The following SPATS2L variants were observed in gnomAD, a reference collection of about 807,000 sequenced individuals.
The protein encoded by SPATS2L is SPATS2-like protein.
SPATS2L carries 30 observed loss-of-function variants against 59.6 expected under a neutral mutation model. That is an observed-to-expected ratio of 0.50 (90% CI 0.38 to 0.68). The LOEUF is 0.68. Among genes scored for constraint, SPATS2L ranks in the 30% least tolerant of loss-of-function variants. The pLI is 0.00. For synonymous variants in SPATS2L, 252 were observed against 263.5 expected, an observed-to-expected ratio of 0.96 and a Z score of 0.42; for missense variants, 615 against 700.0, an observed-to-expected ratio of 0.88 and a Z score of 1.37.
intron 1 of SPATS2L, among the ~76,000 whole-genome samples, chr2:200,314,156 C>A (rs1256308230): frequency 1.3e-5 from 2 of 152,228 alleles, no homozygotes; most frequent in African/African-American, 4.8e-5. Context: ...ATGTCTTTAA[C>A]TCGACAAGTT....
intron 8 of SPATS2L, among the ~76,000 whole-genome samples, chr2:200,452,357 AAATTCC>A (rs1410497918): frequency 2.6e-5 from 4 of 152,354 alleles, no homozygotes; most frequent in Admixed American, 1.3e-4. Context: ...GTCATTTAAA[AAATTCC>A]AATAAGAAAA....
chr2:200,446,323 A>G (rs1426977027), intron 8 of SPATS2L, among the ~76,000 whole-genome samples: 1 of 152,212 alleles, frequency 6.6e-6, no homozygotes, highest in Non-Finnish European at 1.5e-5. Flanking sequence ...TGACAGAGTG[A>G]GACCCTGTCT....
chr2:200,437,428 C>CTGGGCCCACAGCTGAACTGGAATCT, intron 6 of SPATS2L, among the ~76,000 whole-genome samples: 1 of 152,156 alleles, frequency 6.6e-6, no homozygotes, highest in Non-Finnish European at 1.5e-5. Context: ...GAGGAGAAGC[C>CTGGGCCCACAGCTGAACTGGAATCT]TGGGCCCACA....
intron 2 of SPATS2L, among the ~76,000 whole-genome samples, chr2:200,343,363 T>A (rs1559053703): frequency 6.6e-6 from 1 of 152,208 alleles, no homozygotes; most frequent in African/African-American, 2.4e-5. Flanking sequence ...TTAAGGTGTC[T>A]GTAGTTAACA....
chr2:200,416,403 A>G lies in SPATS2L; in HGVS notation c.173A>G (p.Glu58Gly). ...VDGSAIQVLK[E>G]WNMTGKKKNN... ...GGCAGTGCAATTCAAGTTCTAAAAG[A>G]ATGGAATATGACAGGAAAAAAGAAG... The change falls in exon 5 of 13, where the codon GAA becomes GGA. Residue 58 changes from glutamate (E) to glycine (G), a missense_variant. Transcript: ENST00000409140. 6.7e-7 allele frequency: 1 copy of G among 1,500,036 alleles called. No individual in the cohort carries two copies. Among genetic ancestry groups the G allele is most frequent in the South Asian group, 1.4e-5 (1 of 73,504 alleles). The allele number at this position is 1,500,036 out of a possible 1,614,324, so 92.9% of individuals were successfully genotyped here.
intron 2 of SPATS2L, among the ~76,000 whole-genome samples, chr2:200,341,944 TC>T (rs2080343997): frequency 6.6e-6 from 1 of 152,092 alleles, no homozygotes; most frequent in South Asian, 2.1e-4. Flanking sequence ...TACCTCAGCC[TC>T]CCGAAGTGCT....
intron 3 of SPATS2L, 120 bp downstream of exon 3, chr2:200,389,403 T>C (rs1417518566): frequency 6.0e-6 from 4 of 664,522 alleles, no homozygotes; most frequent in Non-Finnish European, 1.0e-5. Context: ...ACGTAGTAAG[T>C]TTGCCACAAC....
rs1002406540 is a variant in SPATS2L, at chr2:200,314,380, T to C, written c.-73+7458T>C. On this transcript the variant is annotated intron_variant, in intron 1 of 12. Coordinates refer to ENST00000409140, the MANE Select transcript of SPATS2L (RefSeq NM_001100423.2). ...TTCATTACTGCCGTGGTTCGGGCCCTCATCCCTTCTCTTGAGGATTATTGC... is the reference window on the plus strand; with the variant it reads ...TTCATTACTGCCGTGGTTCGGGCCCCCATCCCTTCTCTTGAGGATTATTGC... 2.0e-5 allele frequency among the ~76,000 whole-genome samples: 3 copies of C among 152,212 alleles called. No homozygotes were observed. In the East Asian group the frequency reaches 5.8e-4, roughly 29 times the overall value.
rs905261840 is a variant in SPATS2L, at chr2:200,430,774, G to A, written c.446-8348G>A. On this transcript the variant is annotated intron_variant, in intron 6 of 12. Coordinates refer to ENST00000409140, the MANE Select transcript of SPATS2L (RefSeq NM_001100423.2). ...GCTCTGTCACCCAGGCTAGAGTGCA[G>A]TGACATGATCTTGGCTCACCACAAC... Among the ~76,000 whole-genome samples the A allele has an allele frequency of 6.2e-5, 9 of 145,918 alleles. No individual in the cohort carries two copies. In the East Asian group the frequency reaches 1.8e-3, roughly 29 times the overall value.
chr2:200,442,882 GGAAA>G (rs1490898591), intron 8 of SPATS2L, among the ~76,000 whole-genome samples: 4 of 152,086 alleles, frequency 2.6e-5, no homozygotes, highest in Non-Finnish European at 4.4e-5. Context: ...TTAAACTGAT[GGAAA>G]GAATCACTTC....
intron 12 of SPATS2L, among the ~76,000 whole-genome samples, chr2:200,475,495 A>G (rs1340490383): frequency 6.6e-6 from 1 of 152,232 alleles, no homozygotes; most frequent in Non-Finnish European, 1.5e-5. Context: ...TTAGGCAGAT[A>G]AAAGACAGAT....
chr2:200,382,312 T>A (rs1461551987), intron 2 of SPATS2L, among the ~76,000 whole-genome samples: 1 of 152,168 alleles, frequency 6.6e-6, no homozygotes, highest in Non-Finnish European at 1.5e-5. Flanking sequence ...TGACCTTAGG[T>A]GATCCACCCG....
At chr2:200,376,918 G>C (rs762557452) in intron 2 of SPATS2L, among the ~76,000 whole-genome samples, 1 of 152,200 alleles carries the variant, frequency 6.6e-6, no homozygotes, top group Non-Finnish European at 1.5e-5. Context: ...AGGACAACTT[G>C]TGGTCAGAAG....
intron 8 of SPATS2L, 70 bp downstream of exon 8, chr2:200,440,854 T>TG: frequency 6.5e-7 from 1 of 1,534,826 alleles, no homozygotes; most frequent in African/African-American, 1.4e-5. Context: ...AAGTATCAGA[T>TG]GGAAAACGTT....
chr2:200,427,486 T>C (rs957260081), intron 6 of SPATS2L, among the ~76,000 whole-genome samples: 26 of 148,786 alleles, frequency 1.7e-4, no homozygotes, highest in African/African-American at 6.4e-4. Flanking sequence ...CATATACATA[T>C]ATAAAATATA....
chr2:200,440,798 C>T lies in SPATS2L; in HGVS notation c.788+14C>T, dbSNP rs539223309. 152 of 1,610,938 alleles carry T rather than the reference C, an allele frequency of 9.4e-5. No individual in the cohort carries two copies. The highest frequency in any genetic ancestry group is 5.8e-4 in the East Asian group (26 of 44,788). The stretch of plus-strand genomic sequence containing the variant: ...ATTACACAACTGGTGAGTGATTCAA[C>T]GTAGGAACCATAAATTTGTGATGCT... On this transcript the variant is annotated intron_variant, in intron 8 of 12. Transcript: ENST00000409140.
At chr2:200,369,099 G>GAT (rs10642667) in intron 2 of SPATS2L, among the ~76,000 whole-genome samples, 72 of 149,222 alleles carry the variant, frequency 4.8e-4, no homozygotes, top group African/African-American at 1.7e-3. Context: ...AAAAAGAAGA[G>GAT]AGTTATGGCT....
rs187609098 is a variant in SPATS2L, at chr2:200,326,380, C to A, written c.-72-3051C>A. ...TACTCACTATAGAAAATTTAGAAAG[C>A]AGAGAAAATTATTAAAAAGAAGAAA... On this transcript the variant is annotated intron_variant, in intron 1 of 12. Coordinates refer to ENST00000409140, the MANE Select transcript of SPATS2L (RefSeq NM_001100423.2). Among the ~76,000 whole-genome samples the A allele has an allele frequency of 1.4e-4, 22 of 152,250 alleles. No individual in the cohort carries two copies. The East Asian group carries it at 4.1e-3, about 28-fold the overall frequency.
rs181114148 is a variant in SPATS2L, at chr2:200,448,212, T to C, written c.788+7428T>C. Among the ~76,000 whole-genome samples the C allele has an allele frequency of 1.9e-3, 285 of 152,036 alleles. 3 individuals are homozygous for C. Among genetic ancestry groups the C allele is most frequent in the Middle Eastern group, 3.4e-3 (1 of 294 alleles). On this transcript the variant is annotated intron_variant, in intron 8 of 12. Transcript: ENST00000409140. The stretch of plus-strand genomic sequence containing the variant: ...ATCCCAGCACTTTGGGAGGCTGAGG[T>C]GGGTAGATCACTTGAGGTCAGGAGT...
Sources: allele counts gnomAD v4.1 joint callset (sites outside exome capture counted in the v4.1 genomes callset), GRCh38; gene constraint gnomAD v4.1.1; transcripts MANE v1.5; gene names NCBI Gene and HGNC (gene_info 2026-07-23, HGNC 2026-07-21).